Variants in TENM3 observed in about 807,000 individuals in gnomAD.
TENM3 encodes the protein teneurin-3.
A neutral mutation model predicts 255.1 loss-of-function variants in TENM3; 63 were observed. The observed-to-expected ratio is 0.25, with a 90% CI of 0.20 to 0.30. The LOEUF (loss-of-function observed/expected upper bound fraction) is 0.30. Among genes scored for constraint, TENM3 ranks in the 10% least tolerant of loss-of-function variants. TENM3 has a pLI of 1.00. For missense variants in TENM3, 2,929 were observed against 3,461.1 expected (o/e 0.85, Z 3.86); for synonymous variants, 1,306 against 1,322.3 (o/e 0.99, Z 0.27).
chr4:182,082,875 G>A, the TENM3 span, among the ~76,000 whole-genome samples: 1 of 152,154 alleles, frequency 6.6e-6, no homozygotes, highest in African/African-American at 2.4e-5. Context: ...ATTTTATGTG[G>A]ATTCTGTGTG....
chr4:181,845,161 C>T, the TENM3 span, among the ~76,000 whole-genome samples: 4 of 152,014 alleles, frequency 2.6e-5, no homozygotes, highest in Non-Finnish European at 2.9e-5. Context: ...TTGTTTTCTA[C>T]GAAATTTTTT....
the TENM3 span, among the ~76,000 whole-genome samples, chr4:181,576,901 C>T: frequency 4.7e-4 from 66 of 139,664 alleles, no homozygotes; most frequent in Non-Finnish European, 9.4e-4. Context: ...GCAACCTCTG[C>T]CTCCCGGGTT....
chr4:182,416,125 T>C (rs371621446), intron 3 of TENM3, among the ~76,000 whole-genome samples: 5 of 152,190 alleles, frequency 3.3e-5, no homozygotes, highest in African/African-American at 1.2e-4. Flanking sequence ...ATATGGGAAA[T>C]GGGTAGTCTT....
At chr4:182,070,901 A>G in the TENM3 span, among the ~76,000 whole-genome samples, 107,923 of 151,942 alleles carry the variant, frequency 0.71, 39,034 homozygotes, top group East Asian at 0.87. Context: ...GCAATTTTCC[A>G]TTCATTGCTT....
At chr4:182,459,767 T>A (rs1014791815) in intron 3 of TENM3, among the ~76,000 whole-genome samples, 7 of 152,202 alleles carry the variant, frequency 4.6e-5, no homozygotes, top group African/African-American at 1.7e-4. Flanking sequence ...TACTTATTTA[T>A]CTATTAATAT....
chr4:181,945,813 A>G, the TENM3 span, among the ~76,000 whole-genome samples: 1 of 152,180 alleles, frequency 6.6e-6, no homozygotes, highest in Non-Finnish European at 1.5e-5. Context: ...AACGAGGGTA[A>G]TCAATTTGAC....
intron 1 of TENM3, among the ~76,000 whole-genome samples, chr4:182,180,151 AT>A (rs1172269143): frequency 2.0e-5 from 3 of 151,842 alleles, no homozygotes; most frequent in Admixed American, 6.6e-5. Context: ...TTAAATCTGA[AT>A]TTTGAATTAG....
the TENM3 span, among the ~76,000 whole-genome samples, chr4:181,511,892 C>G: frequency 1.4e-4 from 22 of 152,156 alleles, no homozygotes; most frequent in African/African-American, 4.8e-4. Context: ...GGCCTACATT[C>G]CAGAGCTGCA....
chr4:181,449,743 T>G, the TENM3 span, among the ~76,000 whole-genome samples: 3 of 152,234 alleles, frequency 2.0e-5, no homozygotes, highest in South Asian at 6.2e-4. Flanking sequence ...GCCGAGATCG[T>G]GCCGCTGCAC....
the TENM3 span, among the ~76,000 whole-genome samples, chr4:181,676,372 C>T: frequency 6.6e-6 from 1 of 151,948 alleles, no homozygotes; most frequent in Non-Finnish European, 1.5e-5. Flanking sequence ...TAGGAATTTT[C>T]TTTTTCATCT....
chr4:181,896,470 C>T, the TENM3 span, among the ~76,000 whole-genome samples: 2 of 152,144 alleles, frequency 1.3e-5, no homozygotes, highest in East Asian at 3.9e-4. Context: ...TCAAAGACAT[C>T]CTGGTATTTT....
At chr4:182,739,823 G>A (rs909395594) in intron 18 of TENM3, among the ~76,000 whole-genome samples, 7 of 152,184 alleles carry the variant, frequency 4.6e-5, no homozygotes, top group African/African-American at 1.2e-4. Context: ...ATCACTTGAC[G>A]TCAGGAGTTT....
chr4:181,724,910 C>A, the TENM3 span, among the ~76,000 whole-genome samples: 7 of 152,252 alleles, frequency 4.6e-5, no homozygotes, highest in African/African-American at 1.7e-4. Context: ...AGATTGCCAC[C>A]TTTCAGGGAG....
chr4:181,938,155 A>G, the TENM3 span, among the ~76,000 whole-genome samples: 1 of 152,230 alleles, frequency 6.6e-6, no homozygotes, highest in Non-Finnish European at 1.5e-5. Flanking sequence ...GGCTAAGCTT[A>G]TATTCTAGAC....
chr4:182,417,024 A>T (rs570950689), intron 3 of TENM3, among the ~76,000 whole-genome samples: 1 of 152,156 alleles, frequency 6.6e-6, no homozygotes, highest in Admixed American at 6.5e-5. Flanking sequence ...CCCAGGCTGG[A>T]GTGCGGTGGT....
chr4:182,040,947 A>C, the TENM3 span, among the ~76,000 whole-genome samples: 3 of 152,330 alleles, frequency 2.0e-5, no homozygotes, highest in East Asian at 1.9e-4. Flanking sequence ...CTGAATTGCT[A>C]AAATGAGAAA....
In TENM3 at chr4:182,362,676, C is replaced by T. The variant is rs539961491; in HGVS notation, c.511+15747C>T. Among the ~76,000 whole-genome samples, 262 of 152,292 alleles carry T rather than the reference C, an allele frequency of 1.7e-3. 1 individual carries two copies. The highest frequency in any genetic ancestry group is 5.8e-3 in the African/African-American group (241 of 41,552). On this transcript the variant is annotated intron_variant, in intron 3 of 27. Coordinates refer to ENST00000511685, the MANE Select transcript of TENM3 (RefSeq NM_001080477.4). ...GAACTCCATGACCCCTTGCACTTCC[C>T]GAGTGAGGCAATGCCTCGCCCTGCT...
intron 3 of TENM3, among the ~76,000 whole-genome samples, chr4:182,445,891 A>G (rs1454652869): frequency 6.6e-6 from 1 of 152,220 alleles, no homozygotes; most frequent in Non-Finnish European, 1.5e-5. Context: ...GGCGATATCC[A>G]TAATGCTAAT....
At chr4:182,498,989 G>T (rs1219734587) in intron 3 of TENM3, among the ~76,000 whole-genome samples, 1 of 152,222 alleles carries the variant, frequency 6.6e-6, no homozygotes, top group Non-Finnish European at 1.5e-5. Flanking sequence ...GAGATCTCAG[G>T]AGTCTTAAGT....
Sources: allele counts gnomAD v4.1 joint callset (sites outside exome capture counted in the v4.1 genomes callset), GRCh38; gene constraint gnomAD v4.1.1; transcripts MANE v1.5; gene names NCBI Gene and HGNC (gene_info 2026-07-23, HGNC 2026-07-21).